Variants in MAML3 observed in about 807,000 individuals in gnomAD.
The protein encoded by MAML3 is mastermind like transcriptional coactivator 3.
MAML3 carries 27 observed loss-of-function variants against 101.9 expected under a neutral mutation model. The ratio of observed to expected loss-of-function variants is 0.27; its 90% CI spans 0.20 to 0.37. The LOEUF (loss-of-function observed/expected upper bound fraction) is 0.37, where lower values mean the gene tolerates loss of function less well. MAML3 is among the 10% of genes least tolerant of loss of function. The probability of loss-of-function intolerance (pLI) is 1.00; values close to 1 mark genes in which losing one functional copy is unlikely to be tolerated. For synonymous variants in MAML3, 501 were observed against 555.9 expected, an observed-to-expected ratio of 0.90 and a Z score of 1.39; for missense variants, 1,316 against 1,444.9, an observed-to-expected ratio of 0.91 and a Z score of 1.45.
intron 2 of MAML3, among the ~76,000 whole-genome samples, chr4:139,744,855 CA>C (rs1729270874): frequency 6.6e-6 from 1 of 152,192 alleles, no homozygotes; most frequent in African/African-American, 2.4e-5. Flanking sequence ...CCAGGCTGAC[CA>C]GACCCGGGAT....
At chr4:140,092,131 T>C (rs958049996) in intron 1 of MAML3, among the ~76,000 whole-genome samples, 1 of 146,932 alleles carries the variant, frequency 6.8e-6, no homozygotes, top group Non-Finnish European at 1.5e-5. Context: ...TATATATATA[T>C]AATATCAGAG....
Position 139,720,157 on chromosome 4 carries a change from A to G in MAML3, c.2583T>C (p.Tyr861=), listed in dbSNP as rs998112049. The part of the protein sequence containing the change: ...AAQSEMGLAP[Y]STTPTSQPGM... ...CTGGTTGGCTGGTAGGCGTGGTGCT[A>G]TAAGGGGCCAGTCCCATCTCCGACT... is the stretch of plus-strand genomic sequence containing the variant. The change falls in exon 5 of 5, where the codon TAT becomes TAC. Residue 861 remains tyrosine (Y), a synonymous_variant. Transcript: ENST00000509479. The G allele has an allele frequency of 6.2e-7, 1 of 1,614,022 alleles. No homozygotes were observed. The highest frequency in any genetic ancestry group is 2.2e-5 in the East Asian group (1 of 44,874).
intron 1 of MAML3, among the ~76,000 whole-genome samples, chr4:140,097,072 C>T (rs1173828432): frequency 6.6e-6 from 1 of 152,054 alleles, no homozygotes; most frequent in Non-Finnish European, 1.5e-5. Flanking sequence ...CAGCCCAATA[C>T]CCTGGAGAAT....
intron 1 of MAML3, among the ~76,000 whole-genome samples, chr4:140,113,002 C>T (rs940087580): frequency 5.9e-5 from 9 of 152,092 alleles, no homozygotes; most frequent in South Asian, 2.1e-4. Flanking sequence ...AATAACTGTC[C>T]GGGCGCAGTG....
intron 1 of MAML3, among the ~76,000 whole-genome samples, chr4:140,148,763 T>C (rs768067396): frequency 2.0e-5 from 3 of 152,214 alleles, no homozygotes; most frequent in East Asian, 1.9e-4. Context: ...ATGGAACATT[T>C]TGGATGGGTT....
chr4:139,734,878 G>A (rs1402372554), intron 2 of MAML3, among the ~76,000 whole-genome samples: 1 of 152,266 alleles, frequency 6.6e-6, no homozygotes, highest in Non-Finnish European at 1.5e-5. Context: ...CGGGGACCCC[G>A]TGGATAACGG....
intron 2 of MAML3, among the ~76,000 whole-genome samples, chr4:139,772,803 T>C (rs941512372): frequency 1.3e-5 from 2 of 150,558 alleles, no homozygotes; most frequent in East Asian, 4.0e-4. Context: ...TAGGAAAGAA[T>C]AAAGTATTGC....
chr4:139,755,430 A>G (rs1057224528), intron 2 of MAML3, among the ~76,000 whole-genome samples: 1 of 152,074 alleles, frequency 6.6e-6, no homozygotes, highest in African/African-American at 2.4e-5. Context: ...AATACGGTGA[A>G]ACCCCGTCTC....
At chr4:139,816,021 A>G (rs1560802815) in intron 2 of MAML3, among the ~76,000 whole-genome samples, 1 of 152,164 alleles carries the variant, frequency 6.6e-6, no homozygotes, top group Admixed American at 6.5e-5. Context: ...GCTCCAATAT[A>G]ATTCTAAGAC....
chr4:140,144,499 C>T (rs1317986171), intron 1 of MAML3, among the ~76,000 whole-genome samples: 2 of 146,590 alleles, frequency 1.4e-5, no homozygotes, highest in Non-Finnish European at 3.0e-5. Flanking sequence ...CACTGCACTC[C>T]AGCCTGGGTG....
At chr4:140,114,309 C>T (rs182780307) in intron 1 of MAML3, among the ~76,000 whole-genome samples, 146 of 152,338 alleles carry the variant, frequency 9.6e-4, no homozygotes, top group African/African-American at 3.5e-3. Context: ...TGTATCTGTG[C>T]TGTTCCTTGA....
At chr4:139,738,904 C>T (rs761985839) in intron 2 of MAML3, among the ~76,000 whole-genome samples, 4 of 152,184 alleles carry the variant, frequency 2.6e-5, no homozygotes, top group Non-Finnish European at 5.9e-5. Context: ...ATTACACACA[C>T]CTACTGATTC....
intron 1 of MAML3, among the ~76,000 whole-genome samples, chr4:139,921,289 C>T (rs1031838652): frequency 6.6e-6 from 1 of 152,190 alleles, no homozygotes; most frequent in Non-Finnish European, 1.5e-5. Context: ...TGGTCAGTTT[C>T]CTTCCCTCTC....
chr4:140,092,502 C>T (rs1020878735), intron 1 of MAML3, among the ~76,000 whole-genome samples: 4 of 152,138 alleles, frequency 2.6e-5, no homozygotes, highest in Non-Finnish European at 5.9e-5. Flanking sequence ...CGAGAACAAA[C>T]GGCGCGGCCG....
chr4:139,737,026 C>G (rs950570980), intron 2 of MAML3, among the ~76,000 whole-genome samples: 1 of 152,132 alleles, frequency 6.6e-6, no homozygotes, highest in Non-Finnish European at 1.5e-5. Context: ...GCCAATTCTT[C>G]CAGGACGGAC....
chr4:139,735,327 G>A lies in MAML3; in HGVS notation c.2080-4660C>T, dbSNP rs372957392. Among the ~76,000 whole-genome samples, 12 of 152,250 alleles carry A rather than the reference G, an allele frequency of 7.9e-5. No homozygotes were observed. The highest frequency in any genetic ancestry group is 5.8e-4 in the East Asian group (3 of 5,174). ...CTGGGGTTATCTGCCCCCCTCCTCCGACTGACACTGAACTGGTTTCTCATT... is the reference window on the plus strand; with the variant it reads ...CTGGGGTTATCTGCCCCCCTCCTCCAACTGACACTGAACTGGTTTCTCATT... On this transcript the variant is annotated intron_variant, in intron 2 of 4. Coordinates refer to ENST00000509479, the MANE Select transcript of MAML3 (RefSeq NM_018717.5). This position sits in a 1 kb window ranked among gnomAD's most constrained non-coding sequence, Gnocchi z 5.8.
At chr4:139,997,252 C>T (rs1269593602) in intron 1 of MAML3, among the ~76,000 whole-genome samples, 1 of 150,962 alleles carries the variant, frequency 6.6e-6, no homozygotes, top group Non-Finnish European at 1.5e-5. Flanking sequence ...TCCTTTACTG[C>T]TTTCTTTTGT....
chr4:140,124,509 A>G (rs992005709), intron 1 of MAML3, among the ~76,000 whole-genome samples: 4 of 152,174 alleles, frequency 2.6e-5, no homozygotes, highest in African/African-American at 7.2e-5. Flanking sequence ...AAATATAACC[A>G]TTAGGAAGTG....
At chr4:140,045,605 C>T (rs918832021) in intron 1 of MAML3, among the ~76,000 whole-genome samples, 1 of 152,110 alleles carries the variant, frequency 6.6e-6, no homozygotes, top group Admixed American at 6.5e-5. Context: ...GACATCTATG[C>T]TCCTTGCAGC....
Sources: gnomAD v4.1 joint callset for allele counts (sites outside exome capture counted in the v4.1 genomes callset) on GRCh38, gnomAD v4.1.1 for gene constraint, Gnocchi (gnomAD v3.1) non-coding constraint, MANE v1.5 for transcripts, NCBI Gene and HGNC (gene_info 2026-07-23, HGNC 2026-07-21) for gene names.